Variants in RAB27A observed in about 807,000 individuals in gnomAD.
RAB27A encodes RAB27A, member RAS oncogene family, also known as ras-related protein Rab-27A.
In RAB27A, 17 loss-of-function variants were observed where a neutral mutation model predicts 20.8. The observed-to-expected ratio is 0.82, with a 90% confidence interval of 0.56 to 1.23. RAB27A has a LOEUF of 1.23. RAB27A is among the 50% of genes most tolerant of loss of function. The pLI, the probability that RAB27A is intolerant of heterozygous loss-of-function variation, is 0.00. For missense variants in RAB27A, 277 were observed against 266.7 expected (o/e 1.04, Z -0.27); for synonymous variants, 85 against 92.8 (o/e 0.92, Z 0.48).
intron 2 of RAB27A, among the ~76,000 whole-genome samples, chr15:55,244,112 C>A (rs568475392): frequency 6.6e-5 from 10 of 152,238 alleles, no homozygotes; most frequent in Non-Finnish European, 1.2e-4. Flanking sequence ...ACCAGCCTGG[C>A]TGATATGGTG....
At position 55,245,886 on chromosome 15, in the gene RAB27A, G is replaced by A. The variant is rs570193109; in HGVS notation, c.-22-10930C>T. 2.8e-4 allele frequency among the ~76,000 whole-genome samples: 42 copies of A among 152,214 alleles called. No individual in the cohort carries two copies. In the East Asian group the frequency reaches 7.9e-3, roughly 29 times the overall value. ...GCACTTTGGGAGGCCAAGGCAGGCA[G>A]ATCACTTGAGGTCAGGAGTTCAAAA... On this transcript the variant is annotated intron_variant, in intron 2 of 6. Transcript: ENST00000336787.
intron 6 of RAB27A, among the ~76,000 whole-genome samples, chr15:55,217,462 T>A (rs568850266): frequency 2.6e-5 from 4 of 151,506 alleles, no homozygotes; most frequent in African/African-American, 9.7e-5. Flanking sequence ...AAGTTCAGGA[T>A]CAACCTGGCC....
intron 2 of RAB27A, among the ~76,000 whole-genome samples, chr15:55,253,626 C>T (rs1002687696): frequency 1.2e-4 from 19 of 152,152 alleles, no homozygotes; most frequent in African/African-American, 1.4e-4. Context: ...GGAAACAAAG[C>T]TCCTATTTTC....
rs1034227969 is a variant in RAB27A, at chr15:55,209,785, T to C, written c.468-4080A>G. On this transcript the variant is annotated intron_variant, in intron 6 of 6. Transcript: ENST00000336787. Reference sequence around the variant, plus strand: ...GTGTACATATACATATATACACACATATGTGTGTATGTATACATATATACA... The same window carrying C: ...GTGTACATATACATATATACACACACATGTGTGTATGTATACATATATACA... Among the ~76,000 whole-genome samples, 22 of 124,438 alleles carry C rather than the reference T, an allele frequency of 1.8e-4. 4 individuals carry two copies. Among genetic ancestry groups the C allele is most frequent in the African/African-American group, 7.7e-4 (18 of 23,402 alleles). 81.6% of individuals were successfully genotyped at this position (124,438 alleles called of 152,430 possible).
In RAB27A at chr15:55,273,607, T is replaced by C. The variant is rs538008730; in HGVS notation, c.-142-3323A>G. Among the ~76,000 whole-genome samples the C allele has an allele frequency of 7.2e-4, 110 of 152,194 alleles. 1 individual carries two copies. The highest frequency in any genetic ancestry group is 2.5e-3 in the African/African-American group (102 of 41,538). On this transcript the variant is annotated intron_variant, in intron 1 of 6. Transcript: ENST00000336787. ...AAGAAAGCAGGGGTGACTATACTTA[T>C]ATCAGAATAGACTTCAAGTAAAAAA...
At chr15:55,288,338 T>C (rs948693309) in intron 1 of RAB27A, among the ~76,000 whole-genome samples, 5 of 151,920 alleles carry the variant, frequency 3.3e-5, no homozygotes, top group Admixed American at 2.0e-4. Flanking sequence ...CTGGCCAACA[T>C]AGCAAAACCC....
chr15:55,232,839 A>C (rs919014962), intron 3 of RAB27A, among the ~76,000 whole-genome samples: 1 of 152,174 alleles, frequency 6.6e-6, no homozygotes, highest in African/African-American at 2.4e-5. Flanking sequence ...ATTTAACTGC[A>C]GGCTGGGAGT....
intron 2 of RAB27A, among the ~76,000 whole-genome samples, chr15:55,296,317 GA>G (rs1464964206): frequency 6.6e-5 from 10 of 151,510 alleles, no homozygotes; most frequent in Non-Finnish European, 1.5e-4. Flanking sequence ...CCAACAGGGT[GA>G]AAACCCGTCT....
chr15:55,249,773 T>C (rs1896819787), intron 2 of RAB27A, among the ~76,000 whole-genome samples: 1 of 152,148 alleles, frequency 6.6e-6, no homozygotes, highest in Non-Finnish European at 1.5e-5. Flanking sequence ...TCATATTCAT[T>C]TTTAGAAAAT....
At chr15:55,211,880 C>T (rs562167522) in intron 6 of RAB27A, among the ~76,000 whole-genome samples, 61 of 150,652 alleles carry the variant, frequency 4.0e-4, no homozygotes, top group African/African-American at 1.4e-3. Flanking sequence ...TCCAAAACTA[C>T]TAACTAGAAG....
chr15:55,254,891 A>G (rs185236452), intron 2 of RAB27A, among the ~76,000 whole-genome samples: 1 of 152,354 alleles, frequency 6.6e-6, no homozygotes, highest in East Asian at 1.9e-4. Flanking sequence ...CTTTTGGGAA[A>G]AGGCAGAGTT....
chr15:55,267,964 T>G (rs892373428), intron 2 of RAB27A, among the ~76,000 whole-genome samples: 3 of 152,128 alleles, frequency 2.0e-5, no homozygotes, highest in African/African-American at 7.2e-5. Context: ...AAAATGGTTG[T>G]TTGTATTCTT....
chr15:55,303,033 T>TG (rs2054980216), intron 2 of RAB27A, among the ~76,000 whole-genome samples: 3 of 106,334 alleles, frequency 2.8e-5, no homozygotes, highest in Admixed American at 9.3e-5. Context: ...GGGAGGGAGG[T>TG]GGGGGATCAG....
chr15:55,260,686 T>C (rs1417522775), intron 2 of RAB27A, among the ~76,000 whole-genome samples: 1 of 152,214 alleles, frequency 6.6e-6, no homozygotes, highest in East Asian at 1.9e-4. Context: ...GAAGCCAATC[T>C]GTATGATTCC....
At chr15:55,268,507 C>T (rs1897588102) in intron 2 of RAB27A, among the ~76,000 whole-genome samples, 1 of 152,172 alleles carries the variant, frequency 6.6e-6, no homozygotes, top group Non-Finnish European at 1.5e-5. Context: ...CCAGGTGTCT[C>T]TTGTGGTTAG....
In RAB27A at chr15:55,286,912, C is replaced by CTT. The variant is rs35313703; in HGVS notation, c.-143+2802_-143+2803dup. On this transcript the variant is annotated intron_variant, in intron 1 of 6. Transcript: ENST00000336787. ...AAATGGTTATCATCCTAGATGTATT[C>CTT]TTTTTTTTTTTTTTTTTTTTTTTTT... Among the ~76,000 whole-genome samples, 382 of 57,160 alleles carry CTT rather than the reference C, an allele frequency of 6.7e-3. 1 individual carries two copies. The highest frequency in any genetic ancestry group is 0.012 in the African/African-American group (201 of 16,280). 37.5% of individuals were successfully genotyped at this position (57,160 alleles called of 152,430 possible). A position where few individuals can be genotyped will look rare whatever the true frequency, so the allele number is the denominator to read the frequency against.
chr15:55,214,031 T>G (rs1301701638), intron 6 of RAB27A, among the ~76,000 whole-genome samples: 2 of 152,200 alleles, frequency 1.3e-5, no homozygotes, highest in East Asian at 3.8e-4. Flanking sequence ...TAAGGCTATT[T>G]TTCCAGTATG....
intron 1 of RAB27A, among the ~76,000 whole-genome samples, chr15:55,272,226 G>A (rs764947141): frequency 3.9e-5 from 6 of 151,954 alleles, no homozygotes; most frequent in Non-Finnish European, 7.4e-5. Context: ...GTGAAACCCC[G>A]TCTCTACTAA....
Position 55,299,067 on chromosome 15 carries a change from C to A in RAB27A, c.-112+14972G>T, listed in dbSNP as rs540480579. 1.2e-4 allele frequency among the ~76,000 whole-genome samples: 18 copies of A among 152,144 alleles called. 1 individual carries two copies. Among genetic ancestry groups the A allele is most frequent in the Admixed American group, 4.6e-4 (7 of 15,284 alleles). ...GGTGACATACATCCTCCTCAGCTGA[C>A]AGGATTAAGAGATTAAAGTAAAGAC... is the stretch of plus-strand genomic sequence containing the variant. On this transcript the variant is annotated intron_variant, in intron 2 of 5. Transcript: ENST00000563262.
Sources: gnomAD v4.1 joint callset for allele counts (sites outside exome capture counted in the v4.1 genomes callset) on GRCh38, gnomAD v4.1.1 for gene constraint, MANE v1.5 for transcripts, NCBI Gene and HGNC (gene_info 2026-07-23, HGNC 2026-07-21) for gene names.